The following ITPR1 variants were observed in gnomAD, a reference collection of about 807,000 sequenced individuals.
The protein encoded by ITPR1 is inositol 1,4,5-trisphosphate receptor type 1.
A neutral mutation model predicts 318.4 loss-of-function variants in ITPR1; 96 were observed. The ratio of observed to expected loss-of-function variants is 0.30; its 90% CI spans 0.26 to 0.36. The LOEUF (loss-of-function observed/expected upper bound fraction) is 0.36, where lower values mean the gene tolerates loss of function less well. Ranked by LOEUF, ITPR1 falls within the 10% of genes least tolerant of loss-of-function variation. The pLI is 1.00. For synonymous variants in ITPR1, 1,312 were observed against 1,289.9 expected (o/e 1.02, Z -0.37); for missense variants, 2,440 against 3,460.2 (o/e 0.71, Z 7.40).
chr3:4,766,038 C>T (rs1428438063), intron 44 of ITPR1, among the ~76,000 whole-genome samples: 1 of 152,170 alleles, frequency 6.6e-6, no homozygotes, highest in East Asian at 1.9e-4. Flanking sequence ...ATAATTTAGT[C>T]TGATTTATGG....
intron 5 of ITPR1, 40 bp downstream of exon 5, chr3:4,627,918 G>C: frequency 8.0e-7 from 1 of 1,249,700 alleles, no homozygotes; most frequent in Non-Finnish European, 1.1e-6. Flanking sequence ...GCAGTAGTGA[G>C]TGGCTGCCTT....
At chr3:4,791,190 G>A (rs1193370930) in intron 52 of ITPR1, among the ~76,000 whole-genome samples, 2 of 152,156 alleles carry the variant, frequency 1.3e-5, no homozygotes, top group African/African-American at 2.4e-5. Flanking sequence ...TGCCAATCCA[G>A]GATCACAGCA....
chr3:4,737,259 G>A (rs1262438945), intron 44 of ITPR1, among the ~76,000 whole-genome samples: 11 of 152,120 alleles, frequency 7.2e-5, no homozygotes, highest in Non-Finnish European at 1.5e-4. Flanking sequence ...GTGCACATAC[G>A]ATGCTATGTC....
At chr3:4,553,018 C>T (rs969959584) in intron 4 of ITPR1, among the ~76,000 whole-genome samples, 2 of 152,178 alleles carry the variant, frequency 1.3e-5, no homozygotes, top group African/African-American at 4.8e-5. Flanking sequence ...ATCCCCAACA[C>T]AAAGTGAAAC....
intron 4 of ITPR1, among the ~76,000 whole-genome samples, chr3:4,547,302 A>G (rs2085116694): frequency 6.6e-6 from 1 of 152,266 alleles, no homozygotes; most frequent in Non-Finnish European, 1.5e-5. Context: ...TGAATAAATA[A>G]CATATGTATT....
chr3:4,551,855 A>T (rs2085600689), intron 4 of ITPR1, among the ~76,000 whole-genome samples: 1 of 152,220 alleles, frequency 6.6e-6, no homozygotes, highest in Admixed American at 6.5e-5. Context: ...TTTTGACTAC[A>T]TCTCTGCTGT....
At chr3:4,723,007 G>A (rs1213839439) in intron 40 of ITPR1, among the ~76,000 whole-genome samples, 2 of 152,148 alleles carry the variant, frequency 1.3e-5, no homozygotes, top group Non-Finnish European at 2.9e-5. Context: ...AATTAGCTGG[G>A]TGTGGTGGTG....
At chr3:4,831,668 ACGTTTTTGAT>A (rs1310218602) in intron 60 of ITPR1, among the ~76,000 whole-genome samples, 3 of 152,244 alleles carry the variant, frequency 2.0e-5, no homozygotes, top group African/African-American at 4.8e-5. Context: ...ACACTGAGAC[ACGTTTTTGAT>A]CTTGAATAGA....
chr3:4,569,140 G>C (rs1295199887), intron 4 of ITPR1, among the ~76,000 whole-genome samples: 1 of 152,138 alleles, frequency 6.6e-6, no homozygotes, highest in African/African-American at 2.4e-5. Flanking sequence ...AATGGGGCAG[G>C]TTCTTTGATG....
intron 58 of ITPR1, 34 bp downstream of exon 58, chr3:4,814,596 G>C (rs1261539731): frequency 8.0e-7 from 1 of 1,249,306 alleles, no homozygotes; most frequent in East Asian, 2.7e-5. Context: ...AAGGGCAAAG[G>C]GGGCGGGTGG....
chr3:4,582,523 C>T (rs370112599), intron 4 of ITPR1, among the ~76,000 whole-genome samples: 7 of 152,156 alleles, frequency 4.6e-5, no homozygotes, highest in African/African-American at 1.7e-4. Flanking sequence ...CTTCTCTATT[C>T]TGCTGAGATT....
chr3:4,840,960 G>C (rs1416315467), intron 61 of ITPR1, among the ~76,000 whole-genome samples: 1 of 152,226 alleles, frequency 6.6e-6, no homozygotes, highest in Non-Finnish European at 1.5e-5. Context: ...TGAAAATTCA[G>C]ATCACATTAG....
chr3:4,502,318 T>A (rs1575323290), intron 2 of ITPR1, among the ~76,000 whole-genome samples: 1 of 152,192 alleles, frequency 6.6e-6, no homozygotes, highest in East Asian at 1.9e-4. Flanking sequence ...TTTTGGGCCT[T>A]TTGTGTTTTT....
chr3:4,718,822 C>T (rs1036397641), intron 40 of ITPR1, among the ~76,000 whole-genome samples: 1 of 152,198 alleles, frequency 6.6e-6, no homozygotes, highest in Non-Finnish European at 1.5e-5. Context: ...AGCATTCCTT[C>T]TTCCGGGTTA....
At chr3:4,829,967 T>TG (rs1400500326) in intron 60 of ITPR1, among the ~76,000 whole-genome samples, 8 of 103,918 alleles carry the variant, frequency 7.7e-5, no homozygotes, top group Middle Eastern at 4.6e-3. Context: ...TTTTTTTTTT[T>TG]TTTTTTTTTT....
intron 4 of ITPR1, among the ~76,000 whole-genome samples, chr3:4,597,005 T>G (rs958605705): frequency 6.6e-5 from 10 of 152,150 alleles, no homozygotes; most frequent in South Asian, 2.1e-4. Flanking sequence ...GAGCATTGAG[T>G]GAGTACATTT....
chr3:4,538,671 A>G (rs2084107111), intron 4 of ITPR1, among the ~76,000 whole-genome samples: 1 of 152,230 alleles, frequency 6.6e-6, no homozygotes, highest in Non-Finnish European at 1.5e-5. Context: ...GATAGACTGG[A>G]TAAAGAAAAT....
intron 4 of ITPR1, among the ~76,000 whole-genome samples, chr3:4,545,977 G>A (rs1387080592): frequency 3.3e-5 from 5 of 152,196 alleles, no homozygotes; most frequent in South Asian, 4.2e-4. Flanking sequence ...GATTACAGGC[G>A]TGACATGTGA....
In ITPR1 at chr3:4,642,155, G is replaced by A. The variant is rs1177225076; in HGVS notation, c.429G>A (p.Glu143=). Residue 143 remains glutamate (E), a synonymous_variant, in exon 7 of 62, where the codon GAG becomes GAA. Transcript: ENST00000649015. The part of the protein sequence containing the change: ...TVNKRLPALL[E]KNAMRVTLDE... ...ATAAGAGGCTTCCTGCTCTGTTGGA[G>A]AAGAATGCCATGAGAGTCACATTGG... 1 of 1,609,702 alleles carries A rather than the reference G, an allele frequency of 6.2e-7. No homozygotes were observed. Among genetic ancestry groups the A allele is most frequent in the East Asian group, 2.2e-5 (1 of 44,670 alleles).
Sources: allele counts gnomAD v4.1 joint callset (sites outside exome capture counted in the v4.1 genomes callset), GRCh38; gene constraint gnomAD v4.1.1; transcripts MANE v1.5; gene names NCBI Gene and HGNC (gene_info 2026-07-23, HGNC 2026-07-21).